The following DCLK1 variants were observed in gnomAD, a reference collection of about 807,000 sequenced individuals.
DCLK1 encodes doublecortin like kinase 1.
Under a neutral mutation model 86.2 loss-of-function variants are expected in DCLK1, and 16 were observed. The ratio of observed to expected loss-of-function variants is 0.19; its 90% confidence interval spans 0.13 to 0.28. The LOEUF (loss-of-function observed/expected upper bound fraction) is 0.28. DCLK1 is among the 10% of genes least tolerant of loss of function. The pLI is 1.00. For missense variants in DCLK1, 590 were observed against 940.2 expected, an observed-to-expected ratio of 0.63 and a Z score of 4.87; for synonymous variants, 369 against 370.5, an observed-to-expected ratio of 1.00 and a Z score of 0.05.
intron 4 of DCLK1, among the ~76,000 whole-genome samples, chr13:35,917,622 A>G (rs1471331399): frequency 6.6e-6 from 1 of 152,242 alleles, no homozygotes; most frequent in Non-Finnish European, 1.5e-5. Context: ...TCGGCATGTT[A>G]TAAATTAAAC....
At chr13:36,005,936 G>A (rs1432564868) in intron 3 of DCLK1, among the ~76,000 whole-genome samples, 1 of 152,168 alleles carries the variant, frequency 6.6e-6, no homozygotes, top group East Asian at 1.9e-4. Context: ...AACACCACGT[G>A]TTCTCACTCA....
At chr13:35,789,087 TA>T (rs1190506026) in intron 16 of DCLK1, among the ~76,000 whole-genome samples, 3 of 152,178 alleles carry the variant, frequency 2.0e-5, no homozygotes, top group South Asian at 2.1e-4. Flanking sequence ...AGCTTTTGGG[TA>T]CCTGGGGATA....
chr13:35,954,884 A>G (rs935507021), intron 3 of DCLK1, among the ~76,000 whole-genome samples: 1 of 152,188 alleles, frequency 6.6e-6, no homozygotes, highest in Non-Finnish European at 1.5e-5. Flanking sequence ...ATAGGCTAGG[A>G]GATAACACTC....
chr13:36,022,950 G>C (rs1881847434), intron 3 of DCLK1, among the ~76,000 whole-genome samples: 1 of 152,146 alleles, frequency 6.6e-6, no homozygotes, highest in African/African-American at 2.4e-5. Context: ...CACAAGAAAA[G>C]AAAACTACAG....
chr13:35,793,735 A>T (rs1321845957), intron 15 of DCLK1, among the ~76,000 whole-genome samples: 1 of 152,052 alleles, frequency 6.6e-6, no homozygotes, highest in Non-Finnish European at 1.5e-5. Context: ...TAAAAAAAAA[A>T]ATTTCTGTTT....
At chr13:35,832,662 A>T (rs1869049855) in intron 8 of DCLK1, among the ~76,000 whole-genome samples, 1 of 152,180 alleles carries the variant, frequency 6.6e-6, no homozygotes, top group Admixed American at 6.5e-5. Flanking sequence ...GGAGTTAGTA[A>T]CACACCGTTT....
chr13:35,792,305 A>G (rs974204338), intron 16 of DCLK1, among the ~76,000 whole-genome samples: 1 of 152,200 alleles, frequency 6.6e-6, no homozygotes, highest in Admixed American at 6.5e-5. Flanking sequence ...ACCTCATATC[A>G]AATACTCAGT....
intron 3 of DCLK1, among the ~76,000 whole-genome samples, chr13:35,977,592 ATT>A (rs5802796): frequency 1.3e-5 from 2 of 150,122 alleles, no homozygotes; most frequent in South Asian, 2.1e-4. Context: ...CTAATGGGCT[ATT>A]TTTTTTTTAA....
chr13:36,031,848 G>A (rs1593833655), intron 3 of DCLK1, among the ~76,000 whole-genome samples: 1 of 152,186 alleles, frequency 6.6e-6, no homozygotes, highest in African/African-American at 2.4e-5. Flanking sequence ...GCTGCTGTTT[G>A]CATCTGACTG....
At chr13:35,982,446 G>T (rs1593791082) in intron 3 of DCLK1, among the ~76,000 whole-genome samples, 1 of 86,406 alleles carries the variant, frequency 1.2e-5, no homozygotes, top group Admixed American at 1.2e-4. Context: ...GAGGGAGGGA[G>T]GGAGGGAGGG....
intron 3 of DCLK1, among the ~76,000 whole-genome samples, chr13:35,971,316 G>A (rs924837257): frequency 7.2e-5 from 11 of 152,260 alleles, no homozygotes; most frequent in East Asian, 3.9e-4. Context: ...TCTGGACCCC[G>A]CACAAGAGCT....
At position 35,881,673 on chromosome 13, in the gene DCLK1, G is replaced by A. The variant is rs147871286; in HGVS notation, c.824-10333C>T. Among the ~76,000 whole-genome samples the A allele has an allele frequency of 1.9e-3, 288 of 152,190 alleles. 2 individuals are homozygous for A. Among genetic ancestry groups the A allele is most frequent in the African/African-American group, 6.5e-3 (270 of 41,514 alleles). ...TTACTCATACATCCAGTTCCTTGTGGCCACATTTATTCCTTGTGACACCTT... is the reference window on the plus strand; with the variant it reads ...TTACTCATACATCCAGTTCCTTGTGACCACATTTATTCCTTGTGACACCTT... On this transcript the variant is annotated intron_variant, in intron 4 of 16. Coordinates refer to ENST00000360631, the MANE Select transcript of DCLK1 (RefSeq NM_001330071.2).
chr13:35,937,127 G>A (rs1876806352), intron 4 of DCLK1, among the ~76,000 whole-genome samples: 1 of 123,010 alleles, frequency 8.1e-6, no homozygotes, highest in African/African-American at 2.6e-5. Context: ...CCGCCACCAT[G>A]TCCGGCTATT....
intron 4 of DCLK1, among the ~76,000 whole-genome samples, chr13:35,917,387 C>T (rs1028069968): frequency 3.3e-5 from 5 of 152,158 alleles, no homozygotes; most frequent in South Asian, 2.1e-4. Context: ...GTTTTGTTTG[C>T]TATTGTCGGG....
At chr13:35,828,846 A>AT (rs1350536612) in intron 8 of DCLK1, among the ~76,000 whole-genome samples, 2 of 152,070 alleles carry the variant, frequency 1.3e-5, no homozygotes, top group Non-Finnish European at 2.9e-5. Context: ...CAGGGCACCT[A>AT]TGACAGTTTT....
intron 4 of DCLK1, among the ~76,000 whole-genome samples, chr13:35,886,509 C>A (rs1186629911): frequency 6.6e-6 from 1 of 152,104 alleles, no homozygotes; most frequent in Non-Finnish European, 1.5e-5. Context: ...CGATGTTGCA[C>A]AAGCAATGCC....
At chr13:35,962,019 T>C (rs572402536) in intron 3 of DCLK1, among the ~76,000 whole-genome samples, 1 of 152,362 alleles carries the variant, frequency 6.6e-6, no homozygotes, top group Non-Finnish European at 1.5e-5. Flanking sequence ...TGTAGTGTTA[T>C]ACTGCCCTTC....
At chr13:36,080,254 G>A (rs775599214) in intron 3 of DCLK1, among the ~76,000 whole-genome samples, 4 of 152,254 alleles carry the variant, frequency 2.6e-5, no homozygotes, top group Non-Finnish European at 5.9e-5. Flanking sequence ...TTCGGGTGGA[G>A]GGCATAAGAA....
chr13:35,896,807 G>A (rs2153120993), intron 4 of DCLK1, among the ~76,000 whole-genome samples: 1 of 152,208 alleles, frequency 6.6e-6, no homozygotes, highest in East Asian at 1.9e-4. Context: ...CCAACATAAG[G>A]TGCTAAGTAT....
Sources: allele counts gnomAD v4.1 joint callset (sites outside exome capture counted in the v4.1 genomes callset), GRCh38; gene constraint gnomAD v4.1.1; transcripts MANE v1.5; gene names NCBI Gene and HGNC (gene_info 2026-07-23, HGNC 2026-07-21).